The following TIMMDC1 variants were observed in gnomAD, a reference collection of about 807,000 sequenced individuals.
The protein encoded by TIMMDC1 is translocase of inner mitochondrial membrane domain containing 1.
Under a neutral mutation model 32.6 loss-of-function variants are expected in TIMMDC1, and 25 were observed. The ratio of observed to expected loss-of-function variants is 0.77; its 90% CI spans 0.56 to 1.07. The LOEUF (loss-of-function observed/expected upper bound fraction) is 1.07, where lower values mean the gene tolerates loss of function less well. Ranked by LOEUF, TIMMDC1 falls within the 50% of genes least tolerant of loss-of-function variation. The pLI is 0.00. For synonymous variants in TIMMDC1, 130 were observed against 127.6 expected, an observed-to-expected ratio of 1.02 and a Z score of -0.13; for missense variants, 329 against 349.2, an observed-to-expected ratio of 0.94 and a Z score of 0.46.
At chr3:119,500,464 G>T in intron 1 of TIMMDC1, 1 of 413,752 alleles carries the variant, frequency 2.4e-6, no homozygotes, top group Non-Finnish European at 4.3e-6. Context: ...TGCCTTTTCC[G>T]GTCATTGTCT....
intron 6 of TIMMDC1, among the ~76,000 whole-genome samples, chr3:119,521,504 G>A (rs1482387794): frequency 6.6e-6 from 1 of 152,114 alleles, no homozygotes; most frequent in Non-Finnish European, 1.5e-5. Flanking sequence ...CCAAGATGGT[G>A]CCACTGCACT....
At chr3:119,512,040 CTG>C (rs1319200386) in intron 4 of TIMMDC1, among the ~76,000 whole-genome samples, 5 of 152,224 alleles carry the variant, frequency 3.3e-5, no homozygotes, top group African/African-American at 1.2e-4. Flanking sequence ...AATTTCATTT[CTG>C]TGAGTTTGTC....
At chr3:119,522,423 AGAG>A (rs144522464) in intron 6 of TIMMDC1, among the ~76,000 whole-genome samples, 7,788 of 152,246 alleles carry the variant, frequency 0.051, 253 homozygotes, top group Non-Finnish European at 0.072. Context: ...AGGCATAAGA[AGAG>A]GAGATTTAAG....
intron 4 of TIMMDC1, 90 bp downstream of exon 4, chr3:119,504,111 T>C: frequency 4.0e-6 from 4 of 1,000,988 alleles, no homozygotes; most frequent in Non-Finnish European, 6.2e-6. Flanking sequence ...CTGAATTCTT[T>C]GGTTGGCTTC....
At chr3:119,499,020 ATGGT>A in intron 1 of TIMMDC1, 93 bp downstream of exon 1, 2 of 941,746 alleles carry the variant, frequency 2.1e-6, no homozygotes, top group Non-Finnish European at 3.3e-6. Context: ...GACACCAAGG[ATGGT>A]GTGCTTCATT....
intron 1 of TIMMDC1, among the ~76,000 whole-genome samples, chr3:119,499,285 G>A (rs916323081): frequency 6.6e-6 from 1 of 151,398 alleles, no homozygotes; most frequent in Admixed American, 6.6e-5. Context: ...ATTTTTTATA[G>A]ACAGGGTTCT....
intron 6 of TIMMDC1, among the ~76,000 whole-genome samples, chr3:119,520,693 G>A (rs538512577): frequency 3.3e-5 from 5 of 152,210 alleles, no homozygotes; most frequent in Admixed American, 6.5e-5. Flanking sequence ...AAACTGTTCC[G>A]AAATATTGAA....
At chr3:119,511,488 GAAAAAAGAAA>G (rs1246498883) in intron 4 of TIMMDC1, among the ~76,000 whole-genome samples, 4 of 143,618 alleles carry the variant, frequency 2.8e-5, no homozygotes, top group Non-Finnish European at 6.2e-5. Context: ...AAAAAAAAAA[GAAAAAAGAAA>G]AAAAAATTTG....
Position 119,498,898 on chromosome 3 carries a change from G to C in TIMMDC1, c.165G>C (p.Trp55Cys), listed in dbSNP as rs1560044116. ...AGCCCTATTACCCGGAATCTGGATG[G>C]GACCGCCTCCGGGAGCTGTTTGGCA... is the stretch of plus-strand genomic sequence containing the variant. ...VPEPYYPESG[W>C]DRLRELFGKD... The change falls in exon 1 of 7, where the codon TGG (tryptophan) becomes TGC (cysteine). Residue 55 changes from tryptophan (W) to cysteine (C), a missense_variant. By Grantham distance (215) the Trp-to-Cys change is radical. Transcript: ENST00000494664. 6.2e-7 allele frequency: 1 copy of C among 1,613,944 alleles called. No homozygotes were observed.
intron 4 of TIMMDC1, among the ~76,000 whole-genome samples, chr3:119,504,417 C>T (rs1042076965): frequency 6.6e-6 from 1 of 152,078 alleles, no homozygotes; most frequent in East Asian, 1.9e-4. Context: ...ATAGAGGGAA[C>T]ATCAAGGGGG....
chr3:119,499,167 C>T (rs1215521015), intron 1 of TIMMDC1, among the ~76,000 whole-genome samples: 2 of 147,200 alleles, frequency 1.4e-5, no homozygotes, highest in Non-Finnish European at 3.0e-5. Context: ...TATCTCGGCT[C>T]ACTGCAACCT....
intron 2 of TIMMDC1, among the ~76,000 whole-genome samples, chr3:119,501,273 T>C (rs2081873212): frequency 6.6e-6 from 1 of 152,258 alleles, no homozygotes; most frequent in East Asian, 1.9e-4. Flanking sequence ...GTACATCAGT[T>C]CTTTTGTGAG....
intron 6 of TIMMDC1, among the ~76,000 whole-genome samples, chr3:119,519,008 C>T (rs1414081960): frequency 1.3e-5 from 2 of 152,296 alleles, no homozygotes; most frequent in Admixed American, 1.3e-4. Flanking sequence ...GAATTTATCA[C>T]CACTAGACTG....
Position 119,513,709 on chromosome 3 carries a change from G to A in TIMMDC1, c.586G>A (p.Ala196Thr). ...RGLVAGGIIGALLGTPVGGLL... is the reference protein window; with the variant it reads ...RGLVAGGIIGTLLGTPVGGLL... ...CCTGGTGGCTGGTGGCATAATTGGA[G>A]CCTTGCTGGGGTAAGCATTAACATG... The change falls in exon 5 of 7, where the codon GCC (alanine) becomes ACC (threonine). Residue 196 changes from alanine (A) to threonine (T), a missense_variant. Ala to Thr is a moderately conservative substitution (Grantham distance 58, BLOSUM62 0). Coordinates refer to ENST00000494664, the MANE Select transcript of TIMMDC1 (RefSeq NM_016589.4). 6.2e-7 allele frequency: 1 copy of A among 1,607,214 alleles called. No homozygotes were observed. The highest frequency in any genetic ancestry group is 1.1e-5 in the South Asian group (1 of 89,950).
At position 119,498,787 on chromosome 3, in the gene TIMMDC1, A is replaced by C. The variant is rs143730343; in HGVS notation, c.54A>C (p.Leu18=). ...PRSFLCRALC[L]FPRVFAAEAV... ...GCTTTCTCTGTAGAGCATTGTGCCT[A>C]TTTCCCCGAGTCTTTGCTGCCGAAG... is the stretch of plus-strand genomic sequence containing the variant. The change falls in exon 1 of 7, where the codon CTA becomes CTC. Residue 18 remains leucine, a synonymous_variant. Transcript: ENST00000494664. 8.7e-6 allele frequency: 14 copies of C among 1,614,016 alleles called. No individual in the cohort carries two copies. The African/African-American group carries it at 1.7e-4, about 20-fold the overall frequency.
Position 119,510,004 on chromosome 3 carries a change from A to G in TIMMDC1, c.518-3637A>G, listed in dbSNP as rs576059990. Among the ~76,000 whole-genome samples, 11 of 152,268 alleles carry G rather than the reference A, an allele frequency of 7.2e-5. No homozygotes were observed. The East Asian group carries it at 2.1e-3, about 29-fold the overall frequency. On this transcript the variant is annotated intron_variant, in intron 4 of 6. Coordinates refer to ENST00000494664, the MANE Select transcript of TIMMDC1 (RefSeq NM_016589.4). The stretch of plus-strand genomic sequence containing the variant: ...GGGCCACTAGATTTTTTTACTAAAA[A>G]TTATTGAATTGTACATTTAGGTGAA...
chr3:119,513,842 T>G (rs1360866284), intron 5 of TIMMDC1, 123 bp downstream of exon 5: 3 of 608,746 alleles, frequency 4.9e-6, no homozygotes, highest in Admixed American at 3.6e-5. Context: ...AGATCTCTAG[T>G]CTTGCATTGG....
chr3:119,518,400 C>A (rs1295194981), intron 6 of TIMMDC1, among the ~76,000 whole-genome samples: 1 of 151,762 alleles, frequency 6.6e-6, no homozygotes, highest in Admixed American at 6.6e-5. Flanking sequence ...CTGCTAACCA[C>A]ACACACACAG....
intron 1 of TIMMDC1, 150 bp downstream of exon 1, chr3:119,499,077 G>T: frequency 4.0e-5 from 23 of 573,484 alleles, no homozygotes; most frequent in South Asian, 7.1e-5. Flanking sequence ...ACCCAAGCTT[G>T]TATCTTTTTT....
Sources: gnomAD v4.1 joint callset for allele counts (sites outside exome capture counted in the v4.1 genomes callset) on GRCh38, gnomAD v4.1.1 for gene constraint, MANE v1.5 for transcripts, NCBI Gene and HGNC (gene_info 2026-07-23, HGNC 2026-07-21) for gene names.